The following ADAMTS12 variants were observed in gnomAD, a reference collection of about 807,000 sequenced individuals.
ADAMTS12 encodes ADAM metallopeptidase with thrombospondin type 1 motif 12.
A neutral mutation model predicts 167.8 loss-of-function variants in ADAMTS12; 118 were observed. The ratio of observed to expected loss-of-function variants is 0.70; its 90% CI spans 0.61 to 0.82. ADAMTS12 has a LOEUF of 0.82. Among genes scored for constraint, ADAMTS12 ranks in the 40% least tolerant of loss-of-function variants. The pLI, the probability that ADAMTS12 is intolerant of heterozygous loss-of-function variation, is 0.00. For missense variants in ADAMTS12, 1,916 were observed against 1,998.8 expected, an observed-to-expected ratio of 0.96 and a Z score of 0.79; for synonymous variants, 704 against 716.9, an observed-to-expected ratio of 0.98 and a Z score of 0.29.
At chr5:33,631,613 A>G (rs546382297) in intron 12 of ADAMTS12, among the ~76,000 whole-genome samples, 12 of 152,312 alleles carry the variant, frequency 7.9e-5, no homozygotes, top group African/African-American at 2.4e-4. Flanking sequence ...GCACAGGAAC[A>G]TTTACATAAT....
intron 2 of ADAMTS12, among the ~76,000 whole-genome samples, chr5:33,801,122 C>T (rs1192674941): frequency 6.6e-6 from 1 of 152,274 alleles, no homozygotes; most frequent in East Asian, 1.9e-4. Context: ...AGCAAATTCC[C>T]CCATAGAGTC....
intron 2 of ADAMTS12, among the ~76,000 whole-genome samples, chr5:33,834,113 T>C (rs1057342352): frequency 6.6e-6 from 1 of 152,196 alleles, no homozygotes. Flanking sequence ...TCCCTCTGTA[T>C]GTTTCTATGT....
At chr5:33,644,893 G>C (rs1210754739) in intron 9 of ADAMTS12, among the ~76,000 whole-genome samples, 4 of 152,066 alleles carry the variant, frequency 2.6e-5, no homozygotes, top group African/African-American at 9.7e-5. Context: ...TCCACGCCCG[G>C]CTAATTTTTT....
At chr5:33,566,998 C>T (rs1340809547) in intron 19 of ADAMTS12, among the ~76,000 whole-genome samples, 1 of 152,190 alleles carries the variant, frequency 6.6e-6, no homozygotes, top group East Asian at 1.9e-4. Context: ...CCATCCTCTA[C>T]CATCAGCACT....
chr5:33,707,023 T>C (rs1420339481), intron 3 of ADAMTS12, among the ~76,000 whole-genome samples: 2 of 152,192 alleles, frequency 1.3e-5, no homozygotes. Context: ...TGTCTCTGTT[T>C]GTGGATGACA....
intron 3 of ADAMTS12, among the ~76,000 whole-genome samples, chr5:33,698,252 A>C (rs1742857104): frequency 6.6e-6 from 1 of 152,200 alleles, no homozygotes; most frequent in Non-Finnish European, 1.5e-5. Context: ...TGCTTATTAA[A>C]ATCATCTTAT....
chr5:33,875,543 T>C (rs1246365203), intron 2 of ADAMTS12, among the ~76,000 whole-genome samples: 1 of 152,192 alleles, frequency 6.6e-6, no homozygotes, highest in Non-Finnish European at 1.5e-5. Flanking sequence ...ATCATATTAA[T>C]AGGCTAAAGA....
intron 3 of ADAMTS12, among the ~76,000 whole-genome samples, chr5:33,705,082 A>G (rs1743143252): frequency 6.6e-6 from 1 of 151,718 alleles, no homozygotes; most frequent in Admixed American, 6.6e-5. Context: ...CGAGACCCCA[A>G]AGTCCATTGT....
At chr5:33,808,178 TG>T (rs1196309833) in intron 2 of ADAMTS12, among the ~76,000 whole-genome samples, 1 of 152,208 alleles carries the variant, frequency 6.6e-6, no homozygotes, top group Non-Finnish European at 1.5e-5. Flanking sequence ...TAGAGAAGTA[TG>T]TGTCTTTACA....
At chr5:33,809,554 G>A (rs1747370199) in intron 2 of ADAMTS12, among the ~76,000 whole-genome samples, 1 of 152,094 alleles carries the variant, frequency 6.6e-6, no homozygotes, top group Admixed American at 6.6e-5. Flanking sequence ...GACTTGGGAT[G>A]ACTTCTTCAA....
intron 18 of ADAMTS12, 121 bp downstream of exon 18, chr5:33,588,478 T>G (rs1579710828): frequency 1.8e-6 from 2 of 1,141,066 alleles, no homozygotes; most frequent in East Asian, 2.3e-5. Context: ...AGGCCAGGGG[T>G]GATGAACACT....
At chr5:33,591,792 A>C (rs2331242) in intron 17 of ADAMTS12, among the ~76,000 whole-genome samples, 4 of 151,942 alleles carry the variant, frequency 2.6e-5, no homozygotes, top group Non-Finnish European at 4.4e-5. Context: ...ATGTCTGAAG[A>C]CATTTTTCGT....
At chr5:33,652,020 T>A (rs971484028) in intron 7 of ADAMTS12, among the ~76,000 whole-genome samples, 6 of 152,190 alleles carry the variant, frequency 3.9e-5, no homozygotes, top group African/African-American at 1.4e-4. Context: ...TATACCACAT[T>A]TTCATTATCC....
chr5:33,545,719 G>A (rs1744939704), intron 22 of ADAMTS12, among the ~76,000 whole-genome samples: 1 of 152,070 alleles, frequency 6.6e-6, no homozygotes, highest in Admixed American at 6.5e-5. Flanking sequence ...TAGGGACATG[G>A]ATGAAGTTGG....
intron 3 of ADAMTS12, among the ~76,000 whole-genome samples, chr5:33,715,539 A>G (rs1026081918): frequency 1.3e-5 from 2 of 152,152 alleles, no homozygotes. Context: ...CTCTGGAATG[A>G]TAAAGGTTAT....
chr5:33,803,273 A>C (rs1302403817), intron 2 of ADAMTS12, among the ~76,000 whole-genome samples: 2 of 152,254 alleles, frequency 1.3e-5, no homozygotes, highest in African/African-American at 4.8e-5. Flanking sequence ...TGTGGTGGGA[A>C]CAAACATCTG....
At chr5:33,755,479 C>T (rs1745135028) in intron 2 of ADAMTS12, among the ~76,000 whole-genome samples, 1 of 152,192 alleles carries the variant, frequency 6.6e-6, no homozygotes, top group Admixed American at 6.5e-5. Flanking sequence ...TCCTCCCTCC[C>T]CTCAACTTGC....
intron 2 of ADAMTS12, among the ~76,000 whole-genome samples, chr5:33,811,939 A>C (rs1319792694): frequency 6.6e-6 from 1 of 152,034 alleles, no homozygotes; most frequent in East Asian, 1.9e-4. Context: ...AGGTGAGAGG[A>C]AGAGAGAGTG....
At chr5:33,816,669 G>A (rs1272870853) in intron 2 of ADAMTS12, among the ~76,000 whole-genome samples, 1 of 152,164 alleles carries the variant, frequency 6.6e-6, no homozygotes, top group Non-Finnish European at 1.5e-5. Flanking sequence ...TGAAGTATAG[G>A]CTAGTGGGAG....
Sources: allele counts gnomAD v4.1 joint callset (sites outside exome capture counted in the v4.1 genomes callset), GRCh38; gene constraint gnomAD v4.1.1; transcripts MANE v1.5; gene names NCBI Gene and HGNC (gene_info 2026-07-23, HGNC 2026-07-21).